CDK3: variants seen among roughly 807,000 people sequenced by gnomAD.
The protein encoded by CDK3 is cyclin dependent kinase 3, also known as cyclin-dependent kinase 3.
Under a neutral mutation model 30.2 loss-of-function variants are expected in CDK3, and 24 were observed. The observed-to-expected ratio is 0.79, with a 90% CI of 0.57 to 1.12. The LOEUF is 1.12. Ranked by LOEUF, CDK3 falls within the 50% of genes most tolerant of loss-of-function variation. CDK3 has a pLI of 0.00. For synonymous variants in CDK3, 158 were observed against 154.2 expected (o/e 1.02, Z -0.18); for missense variants, 345 against 376.0 (o/e 0.92, Z 0.68).
In CDK3 at chr17:76,002,903, G is replaced by T; in HGVS notation, c.588+291G>T. 1 of 540,882 alleles carries T rather than the reference G, an allele frequency of 1.8e-6. No homozygotes were observed. The allele number at this position is 540,882 out of a possible 1,614,324, so 33.5% of individuals were successfully genotyped here. On this transcript the variant is annotated intron_variant, in intron 6 of 7. Transcript: ENST00000448471. This position sits in a 1 kb window ranked among gnomAD's most constrained non-coding sequence, Gnocchi z 4.3. ...AGTCCCAGCTACTTGGGAGGTTGAG[G>T]CAGGAGGATTGCTTGAGCCTGTGGT...
rs1193391782 is a variant in CDK3 at position 76,005,001 on chromosome 17, T to TA, written c.793-296dup. Among the ~76,000 whole-genome samples the TA allele has an allele frequency of 3.3e-5, 5 of 152,134 alleles. No individual in the cohort carries two copies. The South Asian group carries it at 1.0e-3, about 31-fold the overall frequency. ...ACAGCTTCAGTCCCCTGCTTCCTGA[T>TA]ACGTGGGGTTCTGTGCTCTTCCCAA... On this transcript the variant is annotated intron_variant, in intron 7 of 7. Transcript: ENST00000448471. The surrounding 1 kb of genome is among the most constrained non-coding windows in gnomAD (Gnocchi z 4.7).
At position 76,003,297 on chromosome 17, in the gene CDK3, AC is replaced by A; in HGVS notation, c.694del (p.Gln232SerfsTer109). ...CAGCGAAGACACATGGCCCGGGGTC[AC>A]CCAGCTGCCTGACTATAAGGGCAGC... ...TPSEDTWPGV[T>X]QLPDYKGSFP... is the part of the protein sequence containing the mutation. On this transcript the variant is annotated frameshift_variant, in exon 7 of 8. Transcript: ENST00000448471. LOFTEE classifies it high-confidence loss of function. The A allele has an allele frequency of 6.2e-7, 1 of 1,614,150 alleles. No individual in the cohort carries two copies. The highest frequency in any genetic ancestry group is 8.5e-7 in the Non-Finnish European group (1 of 1,180,002).
chr17:76,003,751 C>CT (rs1016161152), intron 7 of CDK3, among the ~76,000 whole-genome samples: 1 of 151,716 alleles, frequency 6.6e-6, no homozygotes, highest in African/African-American at 2.4e-5. Flanking sequence ...CTTTTCTTTT[C>CT]TTTTTTTTGA....
chr17:76,002,663 T>TG lies in CDK3; in HGVS notation c.588+55dup. 1 of 775,892 alleles carries TG rather than the reference T, an allele frequency of 1.3e-6. No homozygotes were observed. Among genetic ancestry groups the TG allele is most frequent in the Non-Finnish European group, 2.4e-6 (1 of 417,200 alleles). 48.1% of individuals were successfully genotyped at this position (775,892 alleles called of 1,614,324 possible). A position where few individuals can be genotyped will look rare whatever the true frequency, so the allele number is the denominator to read the frequency against. On this transcript the variant is annotated intron_variant, in intron 6 of 7. Transcript: ENST00000448471. This position sits in a 1 kb window ranked among gnomAD's most constrained non-coding sequence, Gnocchi z 4.3. ...CAGGGTGCCACAGGCAGGGTCCTACTGGGGTTGGGTGGGGTCCACTGATGC... is the reference window on the plus strand; with the variant it reads ...CAGGGTGCCACAGGCAGGGTCCTACTGGGGGTTGGGTGGGGTCCACTGATGC...
At position 76,003,338 on chromosome 17, in the gene CDK3, C is replaced by G. The variant is rs1336627098; in HGVS notation, c.732C>G (p.Thr244=). ...PDYKGSFPKW[T]RKGLEEIVPN... is the part of the protein sequence containing the mutation. ...ATAAGGGCAGCTTCCCTAAGTGGAC[C>G]AGGAAGGGACTGGAAGAGATTGTGC... Residue 244 remains threonine (T), a synonymous_variant, in exon 7 of 8, where the codon ACC becomes ACG. Coordinates refer to ENST00000448471, the MANE Select transcript of CDK3 (RefSeq NM_001258.4). 6.2e-7 allele frequency: 1 copy of G among 1,614,134 alleles called. No individual in the cohort carries two copies. Among genetic ancestry groups the G allele is most frequent in the Admixed American group, 1.7e-5 (1 of 60,020 alleles).
chr17:76,004,124 C>T (rs559914038), intron 7 of CDK3, among the ~76,000 whole-genome samples: 24 of 152,140 alleles, frequency 1.6e-4, no homozygotes, highest in African/African-American at 5.5e-4. Context: ...TTCCCTACTG[C>T]CTGGGCCCAT....
In CDK3 at chr17:76,001,157, C is replaced by T. The variant is rs1345096405; in HGVS notation, c.-15+190C>T. ...GGCATGGGCGAGAAGCCTGGGGGTC[C>T]TGGCTGAACTGGGCTGGGTGAAGGG... On this transcript the variant is annotated intron_variant, in intron 1 of 7. Coordinates refer to ENST00000448471, the MANE Select transcript of CDK3 (RefSeq NM_001258.4). The surrounding 1 kb of genome is among the most constrained non-coding windows in gnomAD (Gnocchi z 6.2). 2 of 1,312,180 alleles carry T rather than the reference C, an allele frequency of 1.5e-6. No homozygotes were observed. The highest frequency in any genetic ancestry group is 1.5e-5 in the African/African-American group (1 of 66,170). 81.3% of individuals were successfully genotyped at this position (1,312,180 alleles called of 1,614,324 possible). A position where few individuals can be genotyped will look rare whatever the true frequency, so the allele number is the denominator to read the frequency against.
rs188095981 is a variant in CDK3 at position 76,002,956 on chromosome 17, G to T, written c.589-239G>T. The T allele has an allele frequency of 5.6e-4, 318 of 571,008 alleles. No homozygotes were observed. Among genetic ancestry groups the T allele is most frequent in the Admixed American group, 1.0e-3 (34 of 32,494 alleles). 35.4% of individuals were successfully genotyped at this position (571,008 alleles called of 1,614,324 possible). A position where few individuals can be genotyped will look rare whatever the true frequency, so the allele number is the denominator to read the frequency against. ...AGGCTGCAGTGAGCTGTGATCGCAC[G>T]ACTGCACTCTAGCCTGGGTGACAGA... On this transcript the variant is annotated intron_variant, in intron 6 of 7. Coordinates refer to ENST00000448471, the MANE Select transcript of CDK3 (RefSeq NM_001258.4). The surrounding 1 kb of genome is among the most constrained non-coding windows in gnomAD (Gnocchi z 4.3).
chr17:76,003,461 T>TA, intron 7 of CDK3, 63 bp downstream of exon 7: 11 of 1,396,036 alleles, frequency 7.9e-6, no homozygotes, highest in Non-Finnish European at 1.1e-5. Context: ...GCCAGCCTCT[T>TA]ACATAACCCT....
Position 76,002,450 on chromosome 17 carries a change from C to G in CDK3, c.486+32C>G. 6.2e-7 allele frequency: 1 copy of G among 1,610,408 alleles called. No homozygotes were observed. Among genetic ancestry groups the G allele is most frequent in the Non-Finnish European group, 8.5e-7 (1 of 1,178,010 alleles). On this transcript the variant is annotated intron_variant, in intron 5 of 7. Transcript: ENST00000448471. The surrounding 1 kb of genome is among the most constrained non-coding windows in gnomAD (Gnocchi z 4.3). ...TGAGACAAAGAGGAGAGAGGGGCAGCAGGAGGAGTGTCACCCATGCACTCA... is the reference window on the plus strand; with the variant it reads ...TGAGACAAAGAGGAGAGAGGGGCAGGAGGAGGAGTGTCACCCATGCACTCA...
In CDK3 at chr17:76,002,513, G is replaced by A. The variant is rs1250936943; in HGVS notation, c.489G>A (p.Val163=). ...GATACTGTTTCTTTGCCCTGCAGGTGGTGACACTGTGGTATCGCGCCCCCG... is the reference window on the plus strand; with the variant it reads ...GATACTGTTTCTTTGCCCTGCAGGTAGTGACACTGTGGTATCGCGCCCCCG... ...GVPLRTYTHE[V]VTLWYRAPEI... The change falls in exon 6 of 8, where the codon GTG becomes GTA. Residue 163 remains valine (V), a splice_region_variant and synonymous_variant. Coordinates refer to ENST00000448471, the MANE Select transcript of CDK3 (RefSeq NM_001258.4). The surrounding 1 kb of genome is among the most constrained non-coding windows in gnomAD (Gnocchi z 4.3). 7.0e-7 allele frequency: 1 copy of A among 1,431,470 alleles called. No individual in the cohort carries two copies. The highest frequency in any genetic ancestry group is 1.1e-5 in the South Asian group (1 of 87,572). The allele number at this position is 1,431,470 out of a possible 1,614,324, so 88.7% of individuals were successfully genotyped here.
In CDK3 at chr17:76,002,234, G is replaced by C. The variant is rs755004179; in HGVS notation, c.316-14G>C. ...CTCCGCTCAGCTGGCTGCACCTCGCGCTCGTTTCTCCAGAGCTACCTCTTC... is the reference window on the plus strand; with the variant it reads ...CTCCGCTCAGCTGGCTGCACCTCGCCCTCGTTTCTCCAGAGCTACCTCTTC... On this transcript the variant is annotated splice_polypyrimidine_tract_variant and intron_variant, in intron 4 of 7. Coordinates refer to ENST00000448471, the MANE Select transcript of CDK3 (RefSeq NM_001258.4). The surrounding 1 kb of genome is among the most constrained non-coding windows in gnomAD (Gnocchi z 4.3). 1.2e-6 allele frequency: 2 copies of C among 1,611,992 alleles called. No individual in the cohort carries two copies. The highest frequency in any genetic ancestry group is 2.7e-5 in the African/African-American group (2 of 74,970).
In CDK3 at chr17:76,001,829, C is replaced by G; in HGVS notation, c.117-45C>G. The stretch of plus-strand genomic sequence containing the variant: ...GATCCCCCTGGCTGGAAGTGCCCTT[C>G]TTGGCCCAAGTCTCTGCCCACGGCT... On this transcript the variant is annotated intron_variant, in intron 2 of 7. Transcript: ENST00000448471. This position sits in a 1 kb window ranked among gnomAD's most constrained non-coding sequence, Gnocchi z 6.2. The G allele has an allele frequency of 6.3e-7, 1 of 1,580,870 alleles. No individual in the cohort carries two copies.
At position 76,001,908 on chromosome 17, in the gene CDK3, G is replaced by C; in HGVS notation, c.151G>C (p.Glu51Gln). The C allele has an allele frequency of 1.2e-6, 2 of 1,613,796 alleles. No individual in the cohort carries two copies. Among genetic ancestry groups the C allele is most frequent in the Middle Eastern group, 3.3e-4 (2 of 6,062 alleles). ...MEGVPSTAIR[E>Q]ISLLKELKHP... ...GGGGGTCCCAAGCACTGCCATCAGG[G>C]AGATCTCGCTGCTCAAGGAACTGAA... Residue 51 changes from glutamate (E) to glutamine (Q), a missense_variant, in exon 3 of 8, where the codon GAG becomes CAG. Transcript: ENST00000448471. This position sits in a 1 kb window ranked among gnomAD's most constrained non-coding sequence, Gnocchi z 6.2.
chr17:76,003,487 C>A, intron 7 of CDK3, 89 bp downstream of exon 7: 6 of 1,066,900 alleles, frequency 5.6e-6, no homozygotes, highest in Non-Finnish European at 8.3e-6. Context: ...TTTCTGAGTC[C>A]AAGGCCAGGG....
chr17:76,003,024 T>A lies in CDK3; in HGVS notation c.589-171T>A, dbSNP rs566081271. The A allele has an allele frequency of 6.0e-5, 40 of 671,316 alleles. No individual in the cohort carries two copies. The East Asian group carries it at 9.7e-4, about 16-fold the overall frequency. 41.6% of individuals were successfully genotyped at this position (671,316 alleles called of 1,614,324 possible). A position where few individuals can be genotyped will look rare whatever the true frequency, so the allele number is the denominator to read the frequency against. ...TTTTTTAAAAAAAGGTGTTTGGTAC[T>A]GGCTAAAGGACTGAGGAAGGTAGCT... On this transcript the variant is annotated intron_variant, in intron 6 of 7. Transcript: ENST00000448471.
rs763221782 is a variant in CDK3 at position 76,002,388 on chromosome 17, C to T, written c.456C>T (p.Phe152=). ...CTGACTTCGGCCTGGCTCGCGCCTT[C>T]GGGGTGCCCCTGCGCACCTACACCC... ...KLADFGLARA[F]GVPLRTYTHE... The change falls in exon 5 of 8, where the codon TTC becomes TTT. Residue 152 remains phenylalanine, a synonymous_variant. Coordinates refer to ENST00000448471, the MANE Select transcript of CDK3 (RefSeq NM_001258.4). This position sits in a 1 kb window ranked among gnomAD's most constrained non-coding sequence, Gnocchi z 4.3. 1.7e-5 allele frequency: 27 copies of T among 1,612,170 alleles called. No individual in the cohort carries two copies. Among genetic ancestry groups the T allele is most frequent in the South Asian group, 3.3e-5 (3 of 91,044 alleles).
rs1241609375 is a variant in CDK3, at chr17:76,001,825, C to T, written c.117-49C>T. 1.9e-6 allele frequency: 3 copies of T among 1,566,930 alleles called. No homozygotes were observed. The highest frequency in any genetic ancestry group is 1.7e-5 in the Admixed American group (1 of 58,182). On this transcript the variant is annotated intron_variant, in intron 2 of 7. Coordinates refer to ENST00000448471, the MANE Select transcript of CDK3 (RefSeq NM_001258.4). The surrounding 1 kb of genome is among the most constrained non-coding windows in gnomAD (Gnocchi z 6.2). Reference sequence around the variant, plus strand: ...AGCCGATCCCCCTGGCTGGAAGTGCCCTTCTTGGCCCAAGTCTCTGCCCAC... The same window carrying T: ...AGCCGATCCCCCTGGCTGGAAGTGCTCTTCTTGGCCCAAGTCTCTGCCCAC...
chr17:76,003,551 C>T (rs363796), intron 7 of CDK3, among the ~76,000 whole-genome samples, 153 bp downstream of exon 7: 75,898 of 152,130 alleles, frequency 0.5, 22,493 homozygotes, highest in African/African-American at 0.85. Flanking sequence ...TTGTTCAACC[C>T]GGAAGCCTCC....
Sources: gnomAD v4.1 joint callset for allele counts (sites outside exome capture counted in the v4.1 genomes callset) on GRCh38, gnomAD v4.1.1 for gene constraint, Gnocchi (gnomAD v3.1) non-coding constraint, MANE v1.5 for transcripts, NCBI Gene and HGNC (gene_info 2026-07-23, HGNC 2026-07-21) for gene names.